The following CPNE8 variants were observed in gnomAD, a reference collection of about 807,000 sequenced individuals.
CPNE8 encodes the protein copine-8.
CPNE8 carries 45 observed loss-of-function variants against 81.5 expected under a neutral mutation model. The observed-to-expected ratio is 0.55, with a 90% CI of 0.44 to 0.71. CPNE8 has a LOEUF of 0.71. Ranked by LOEUF, CPNE8 falls within the 30% of genes least tolerant of loss-of-function variation. CPNE8 has a pLI of 0.00. For missense variants in CPNE8, 594 were observed against 672.1 expected, an observed-to-expected ratio of 0.88 and a Z score of 1.28; for synonymous variants, 252 against 226.3, an observed-to-expected ratio of 1.11 and a Z score of -1.02.
At chr12:38,710,147 A>G (rs1348308782) in intron 13 of CPNE8, among the ~76,000 whole-genome samples, 2 of 151,682 alleles carry the variant, frequency 1.3e-5, no homozygotes, top group Non-Finnish European at 1.5e-5. Flanking sequence ...ACAACTTCAT[A>G]AGGAGGCTAG....
chr12:38,898,085 T>C (rs1201531302), intron 1 of CPNE8, among the ~76,000 whole-genome samples: 1 of 152,068 alleles, frequency 6.6e-6, no homozygotes. Flanking sequence ...TTGAGTAAAC[T>C]CAAATAGGGG....
intron 8 of CPNE8, among the ~76,000 whole-genome samples, chr12:38,764,089 A>G (rs539606550): frequency 1.2e-4 from 18 of 152,320 alleles, no homozygotes; most frequent in African/African-American, 4.3e-4. Context: ...GACAGAGCCC[A>G]GGAAAATGTA....
chr12:38,698,600 T>C (rs1298045940), intron 14 of CPNE8, among the ~76,000 whole-genome samples: 1 of 152,216 alleles, frequency 6.6e-6, no homozygotes, highest in African/African-American at 2.4e-5. Flanking sequence ...AGAGTCCAAC[T>C]TCCTGCTTTT....
At chr12:38,756,375 C>T (rs1198086972) in intron 10 of CPNE8, among the ~76,000 whole-genome samples, 8 of 129,852 alleles carry the variant, frequency 6.2e-5, no homozygotes, top group Non-Finnish European at 9.6e-5. Context: ...TTTTTTTAGA[C>T]AGGGGTCTCA....
At chr12:38,718,658 G>A (rs576893165) in intron 13 of CPNE8, among the ~76,000 whole-genome samples, 12 of 152,066 alleles carry the variant, frequency 7.9e-5, no homozygotes, top group South Asian at 2.1e-4. Context: ...TGTGAAATAC[G>A]TATATCATTA....
intron 6 of CPNE8, among the ~76,000 whole-genome samples, chr12:38,815,431 CAT>C (rs1357157651): frequency 3.3e-5 from 5 of 152,184 alleles, no homozygotes; most frequent in East Asian, 1.9e-4. Context: ...GAGCTTTTCA[CAT>C]GTCATTCAAT....
chr12:38,764,590 C>CT (rs2079900504), intron 8 of CPNE8, among the ~76,000 whole-genome samples: 1 of 128,316 alleles, frequency 7.8e-6, no homozygotes, highest in African/African-American at 3.1e-5. Context: ...GCACTCCAGC[C>CT]TGGGCGACAG....
intron 6 of CPNE8, among the ~76,000 whole-genome samples, chr12:38,799,001 G>A (rs11514111): frequency 0.29 from 43,856 of 152,020 alleles, 8,234 homozygotes; most frequent in Non-Finnish European, 0.41. Flanking sequence ...AGAGCTAACT[G>A]TCCTAAATAT....
intron 13 of CPNE8, among the ~76,000 whole-genome samples, chr12:38,711,005 T>C (rs1940242567): frequency 6.6e-6 from 1 of 152,158 alleles, no homozygotes; most frequent in South Asian, 2.1e-4. Flanking sequence ...ATTTTAGAAA[T>C]AGCAAAGTGT....
At chr12:38,763,821 T>C (rs1941620786) in intron 8 of CPNE8, among the ~76,000 whole-genome samples, 1 of 152,150 alleles carries the variant, frequency 6.6e-6, no homozygotes, top group Non-Finnish European at 1.5e-5. Flanking sequence ...CTAACAGTAA[T>C]GACACATGAA....
At chr12:38,787,128 T>C (rs530099762) in intron 6 of CPNE8, among the ~76,000 whole-genome samples, 188 of 152,178 alleles carry the variant, frequency 1.2e-3, no homozygotes, top group African/African-American at 4.2e-3. Flanking sequence ...ATAGAGAACC[T>C]TTTCATCCAA....
intron 6 of CPNE8, among the ~76,000 whole-genome samples, chr12:38,806,893 A>T (rs1458161221): frequency 6.6e-6 from 1 of 151,460 alleles, no homozygotes; most frequent in African/African-American, 2.4e-5. Context: ...CTGATAAGCA[A>T]CTTCAGCAGT....
At chr12:38,895,275 T>C (rs1944374115) in intron 1 of CPNE8, among the ~76,000 whole-genome samples, 1 of 152,076 alleles carries the variant, frequency 6.6e-6, no homozygotes, top group Non-Finnish European at 1.5e-5. Context: ...GAATTAAGTA[T>C]TACTGAAAAG....
chr12:38,799,608 C>T (rs1374004384), intron 6 of CPNE8, among the ~76,000 whole-genome samples: 3 of 152,098 alleles, frequency 2.0e-5, no homozygotes, highest in South Asian at 2.1e-4. Context: ...AGATCCAAAA[C>T]TGACACCCTA....
chr12:38,680,821 G>T (rs1291737292), intron 16 of CPNE8, among the ~76,000 whole-genome samples: 1 of 151,830 alleles, frequency 6.6e-6, no homozygotes, highest in Non-Finnish European at 1.5e-5. Context: ...TTGAAAATTA[G>T]TTATAAGAAT....
intron 1 of CPNE8, among the ~76,000 whole-genome samples, chr12:38,898,652 T>C (rs1034512709): frequency 4.6e-5 from 7 of 152,214 alleles, no homozygotes; most frequent in Admixed American, 3.9e-4. Context: ...ATTTTTTGTC[T>C]GACTAAAGAA....
At chr12:38,754,496 T>C (rs532234187) in intron 10 of CPNE8, among the ~76,000 whole-genome samples, 130 of 152,098 alleles carry the variant, frequency 8.5e-4, no homozygotes, top group African/African-American at 2.6e-3. Flanking sequence ...TCATATTACC[T>C]GGAAAAATGT....
chr12:38,676,226 T>C (rs1434009210), intron 17 of CPNE8: 4 of 793,508 alleles, frequency 5.0e-6, no homozygotes, highest in African/African-American at 1.9e-5. Flanking sequence ...GTGAGCATAT[T>C]CAAAATTGTT....
chr12:38,812,462 T>C, intron 6 of CPNE8, among the ~76,000 whole-genome samples: 1 of 151,770 alleles, frequency 6.6e-6, no homozygotes, highest in South Asian at 2.1e-4. Flanking sequence ...GAAGGAGAAG[T>C]GCCAAGGAAA....
Sources: allele counts gnomAD v4.1 joint callset (sites outside exome capture counted in the v4.1 genomes callset), GRCh38; gene constraint gnomAD v4.1.1; transcripts MANE v1.5; gene names NCBI Gene and HGNC (gene_info 2026-07-23, HGNC 2026-07-21).